The following PCCA variants were observed in gnomAD, a reference collection of about 807,000 sequenced individuals.
PCCA encodes the protein propionyl-CoA carboxylase alpha chain, mitochondrial.
Under a neutral mutation model 101.3 loss-of-function variants are expected in PCCA, and 74 were observed. That is an observed-to-expected ratio of 0.73 (90% CI 0.61 to 0.89). PCCA has a LOEUF of 0.89. Ranked by LOEUF, PCCA falls within the 40% of genes least tolerant of loss-of-function variation. The probability of loss-of-function intolerance (pLI) is 0.00; values close to 1 mark genes in which losing one functional copy is unlikely to be tolerated. For synonymous variants in PCCA, 294 were observed against 313.6 expected (o/e 0.94, Z 0.66); for missense variants, 891 against 907.0 (o/e 0.98, Z 0.23).
chr13:100,525,698 A>C (rs762266505), intron 22 of PCCA, among the ~76,000 whole-genome samples: 1 of 152,340 alleles, frequency 6.6e-6, no homozygotes, highest in South Asian at 2.1e-4. Flanking sequence ...GTGTGGTGGA[A>C]GGGCACACCT....
chr13:100,446,000 C>T (rs555955994), intron 20 of PCCA, among the ~76,000 whole-genome samples: 7 of 152,214 alleles, frequency 4.6e-5, no homozygotes, highest in Non-Finnish European at 8.8e-5. Flanking sequence ...TACTGTTTTC[C>T]ATAATGGCTG....
intron 22 of PCCA, 68 bp from the exon 23 acceptor site, chr13:100,527,607 G>A (rs774736887): frequency 9.6e-7 from 1 of 1,043,862 alleles, no homozygotes; most frequent in Non-Finnish European, 1.5e-6. Context: ...TTTCTTAATG[G>A]CTTCATTCCT....
At chr13:100,152,787 A>C (rs2053499941) in intron 4 of PCCA, among the ~76,000 whole-genome samples, 1 of 152,198 alleles carries the variant, frequency 6.6e-6, no homozygotes, top group Non-Finnish European at 1.5e-5. Flanking sequence ...ATAACATAGG[A>C]AAAATGTCTA....
chr13:100,428,257 G>A (rs1350720615), intron 20 of PCCA, among the ~76,000 whole-genome samples: 1 of 151,728 alleles, frequency 6.6e-6, no homozygotes, highest in African/African-American at 2.4e-5. Flanking sequence ...TTGTAGAGAT[G>A]AGGCCTCACT....
chr13:100,107,836 G>A (rs559355289), intron 2 of PCCA, among the ~76,000 whole-genome samples: 45 of 152,302 alleles, frequency 3.0e-4, no homozygotes, highest in African/African-American at 1.1e-3. Flanking sequence ...CACAGTGCCT[G>A]CTGTATACAA....
At chr13:100,424,952 A>G (rs974412885) in intron 19 of PCCA, among the ~76,000 whole-genome samples, 1 of 152,216 alleles carries the variant, frequency 6.6e-6, no homozygotes, top group African/African-American at 2.4e-5. Context: ...TAGTTCTTTC[A>G]TTTTAAATTA....
intron 19 of PCCA, among the ~76,000 whole-genome samples, chr13:100,407,532 A>C (rs1368479347): frequency 2.0e-5 from 3 of 152,258 alleles, no homozygotes; most frequent in Non-Finnish European, 2.9e-5. Context: ...TTAGCGCCTT[A>C]CAAAAACCTT....
chr13:100,461,153 G>A (rs922835860), intron 21 of PCCA, among the ~76,000 whole-genome samples: 1 of 152,214 alleles, frequency 6.6e-6, no homozygotes, highest in South Asian at 2.1e-4. Flanking sequence ...TTTTAATGTA[G>A]TAAAAGACCT....
At chr13:100,464,722 G>A (rs1029100451) in intron 21 of PCCA, among the ~76,000 whole-genome samples, 1 of 152,182 alleles carries the variant, frequency 6.6e-6, no homozygotes, top group Non-Finnish European at 1.5e-5. Context: ...CCTTGTGGTG[G>A]CAGGGTGCTT....
chr13:100,359,843 A>G (rs1021472805), intron 18 of PCCA, among the ~76,000 whole-genome samples: 3 of 152,242 alleles, frequency 2.0e-5, no homozygotes, highest in Non-Finnish European at 2.9e-5. Context: ...GGAAGAGAAA[A>G]TATTAAGATG....
At chr13:100,497,138 G>A (rs1282619714) in intron 21 of PCCA, among the ~76,000 whole-genome samples, 1 of 152,164 alleles carries the variant, frequency 6.6e-6, no homozygotes, top group African/African-American at 2.4e-5. Flanking sequence ...CAGAGAAATG[G>A]GGAATTGGGG....
At chr13:100,228,498 TA>T (rs1004675098) in intron 7 of PCCA, among the ~76,000 whole-genome samples, 1 of 152,212 alleles carries the variant, frequency 6.6e-6, no homozygotes, top group African/African-American at 2.4e-5. Flanking sequence ...AAGAATATTT[TA>T]AAGAGTGTTA....
intron 7 of PCCA, among the ~76,000 whole-genome samples, chr13:100,226,644 G>GT (rs1159673935): frequency 6.6e-6 from 1 of 152,152 alleles, no homozygotes; most frequent in African/African-American, 2.4e-5. Context: ...GGAAGTACAT[G>GT]TTTTTTCCAG....
intron 7 of PCCA, among the ~76,000 whole-genome samples, chr13:100,222,015 G>A (rs1202610840): frequency 6.6e-6 from 1 of 151,880 alleles, no homozygotes; most frequent in African/African-American, 2.4e-5. Context: ...AGGATTATAG[G>A]TGTCCAGGTG....
intron 22 of PCCA, among the ~76,000 whole-genome samples, chr13:100,517,089 G>T (rs955314147): frequency 5.1e-5 from 7 of 138,068 alleles, no homozygotes; most frequent in Non-Finnish European, 9.5e-5. Flanking sequence ...GTGTGTGTGT[G>T]TTTCAAGTAA....
At chr13:100,429,977 AT>A (rs953762594) in intron 20 of PCCA, among the ~76,000 whole-genome samples, 2 of 152,058 alleles carry the variant, frequency 1.3e-5, no homozygotes, top group African/African-American at 4.8e-5. Context: ...CACTATCTAG[AT>A]TAAAAAAAAG....
chr13:100,264,697 C>CAT (rs1413773091), intron 10 of PCCA, among the ~76,000 whole-genome samples: 1 of 151,966 alleles, frequency 6.6e-6, no homozygotes, highest in Non-Finnish European at 1.5e-5. Flanking sequence ...TTTTTATGAA[C>CAT]ATATATACAT....
chr13:100,403,162 G>A (rs911880933), intron 19 of PCCA, among the ~76,000 whole-genome samples: 1 of 152,020 alleles, frequency 6.6e-6, no homozygotes, highest in East Asian at 1.9e-4. Context: ...TTGTTTGATG[G>A]GATTGTCAGT....
At chr13:100,313,594 G>A (rs937156386) in intron 16 of PCCA, among the ~76,000 whole-genome samples, 1 of 152,162 alleles carries the variant, frequency 6.6e-6, no homozygotes, top group Admixed American at 6.5e-5. Context: ...TGACTCCTGA[G>A]CCTTAATTTC....
Sources: allele counts gnomAD v4.1 joint callset (sites outside exome capture counted in the v4.1 genomes callset), GRCh38; gene constraint gnomAD v4.1.1; transcripts MANE v1.5; gene names NCBI Gene and HGNC (gene_info 2026-07-23, HGNC 2026-07-21).